The following EHMT1 variants were observed in gnomAD, a reference collection of about 807,000 sequenced individuals.
The protein encoded by EHMT1 is histone-lysine N-methyltransferase EHMT1.
Under a neutral mutation model 147.2 loss-of-function variants are expected in EHMT1, and 15 were observed. That is an observed-to-expected ratio of 0.10 (90% CI 0.07 to 0.16). The LOEUF (loss-of-function observed/expected upper bound fraction) is 0.16, where lower values mean the gene tolerates loss of function less well. Among genes scored for constraint, EHMT1 ranks in the 10% least tolerant of loss-of-function variants. EHMT1 has a pLI of 1.00. For synonymous variants in EHMT1, 795 were observed against 709.6 expected (o/e 1.12, Z -1.91); for missense variants, 1,587 against 1,772.4 (o/e 0.90, Z 1.88).
At chr9:137,758,664 C>T (rs1345355085) in intron 9 of EHMT1, among the ~76,000 whole-genome samples, 1 of 152,186 alleles carries the variant, frequency 6.6e-6, no homozygotes, top group Non-Finnish European at 1.5e-5. Context: ...ATCTTATTTA[C>T]ATTCCCCACA....
chr9:137,778,885 TAC>T (rs1951165352), intron 13 of EHMT1, among the ~76,000 whole-genome samples: 1 of 152,184 alleles, frequency 6.6e-6, no homozygotes, highest in African/African-American at 2.4e-5. Flanking sequence ...CTCAGGAAGC[TAC>T]AGTCATGGTG....
At chr9:137,747,504 A>C (rs1325623707) in intron 6 of EHMT1, 1 of 152,226 alleles carries the variant, frequency 6.6e-6, no homozygotes, top group Admixed American at 6.5e-5. Context: ...TAAAATAATG[A>C]TTGTAAGGAA....
chr9:137,693,968 C>T (rs1389049433), intron 1 of EHMT1, among the ~76,000 whole-genome samples: 2 of 70,740 alleles, frequency 2.8e-5, no homozygotes, highest in Non-Finnish European at 5.4e-5. Context: ...TGGCGCAGGA[C>T]GCTGGCCGAT....
rs564617840 is a variant in EHMT1 at position 137,757,837 on chromosome 9, G to T, written c.1370-43G>T. ...CCTGTGCGTCTGGGTGGGTGCGGCC[G>T]CCTGGGTGCGTGGTGTCTGATGTGT... On this transcript the variant is annotated intron_variant, in intron 8 of 26. Transcript: ENST00000460843. 9 of 1,611,560 alleles carry T rather than the reference G, an allele frequency of 5.6e-6. No individual in the cohort carries two copies. The South Asian group carries it at 9.9e-5, about 18-fold the overall frequency.
intron 9 of EHMT1, among the ~76,000 whole-genome samples, chr9:137,762,375 A>G (rs1588578803): frequency 6.6e-6 from 1 of 152,082 alleles, no homozygotes; most frequent in Non-Finnish European, 1.5e-5. Flanking sequence ...TGCCAGAGGT[A>G]CCAGCCTCTG....
At chr9:137,779,395 C>T (rs1203054428) in intron 13 of EHMT1, among the ~76,000 whole-genome samples, 12 of 152,258 alleles carry the variant, frequency 7.9e-5, no homozygotes, top group African/African-American at 2.7e-4. Flanking sequence ...TGACTGGGAA[C>T]GCAGTTTCTT....
At chr9:137,691,141 C>A (rs1419218735) in intron 1 of EHMT1, among the ~76,000 whole-genome samples, 1 of 151,984 alleles carries the variant, frequency 6.6e-6, no homozygotes. Context: ...CTTTCTATTT[C>A]CTGTCTCTAA....
chr9:137,716,795 C>G lies in EHMT1; in HGVS notation c.255C>G (p.Thr85=), dbSNP rs1588326707. 1 of 1,613,264 alleles carries G rather than the reference C, an allele frequency of 6.2e-7. No individual in the cohort carries two copies. The highest frequency in any genetic ancestry group is 1.3e-5 in the African/African-American group (1 of 74,986). ...DSARVNPQDG[T]NTLTRIAENG... ...CAAGGGTCAACCCCCAGGATGGCAC[C>G]AACACACTAACTCGGATAGCGGAAA... Residue 85 remains threonine, a synonymous_variant, in exon 3 of 27, where the codon ACC becomes ACG. Coordinates refer to ENST00000460843, the MANE Select transcript of EHMT1 (RefSeq NM_024757.5).
intron 1 of EHMT1, among the ~76,000 whole-genome samples, chr9:137,632,111 G>T (rs371210412): frequency 6.6e-6 from 1 of 152,332 alleles, no homozygotes; most frequent in African/African-American, 2.4e-5. Context: ...ACTCTTTGAC[G>T]TTTGCACAGT....
At chr9:137,702,203 T>C (rs958825352) in intron 1 of EHMT1, among the ~76,000 whole-genome samples, 1 of 152,178 alleles carries the variant, frequency 6.6e-6, no homozygotes, top group Non-Finnish European at 1.5e-5. Context: ...GCTGGGTCCT[T>C]CTCACATTTC....
intron 3 of EHMT1, among the ~76,000 whole-genome samples, chr9:137,721,447 G>A (rs948993391): frequency 6.9e-5 from 1 of 14,518 alleles, no homozygotes; most frequent in Non-Finnish European, 1.1e-4. Flanking sequence ...CCTCTCCCAC[G>A]CCTCTCACCC....
chr9:137,764,016 C>G (rs1950043526), intron 10 of EHMT1: 1 of 152,622 alleles, frequency 6.6e-6, no homozygotes, highest in African/African-American at 2.4e-5. Flanking sequence ...GCAGGTCTGG[C>G]CTGGCTGGGA....
At chr9:137,723,379 C>T (rs1339795405) in intron 3 of EHMT1, among the ~76,000 whole-genome samples, 13 of 108,066 alleles carry the variant, frequency 1.2e-4, no homozygotes, top group South Asian at 3.7e-4. Flanking sequence ...TGTCTGTGTC[C>T]GTGGTTCTGG....
chr9:137,798,954 C>T, intron 17 of EHMT1, 40 bp downstream of exon 17: 1 of 1,516,504 alleles, frequency 6.6e-7, no homozygotes. Flanking sequence ...ACTGTGTGGA[C>T]TGGCTACGGA....
At chr9:137,643,210 G>A (rs1034489036) in intron 1 of EHMT1, among the ~76,000 whole-genome samples, 3 of 151,748 alleles carry the variant, frequency 2.0e-5, no homozygotes, top group African/African-American at 2.4e-5. Context: ...ATGTGGGCTT[G>A]AGTTACTGTC....
chr9:137,796,957 C>G (rs1224526035), intron 16 of EHMT1, among the ~76,000 whole-genome samples: 1 of 152,076 alleles, frequency 6.6e-6, no homozygotes, highest in African/African-American at 2.4e-5. Flanking sequence ...CAAGCAGGGC[C>G]TCACACCAGT....
At chr9:137,754,689 G>GT (rs1479609379) in intron 8 of EHMT1, among the ~76,000 whole-genome samples, 3 of 152,080 alleles carry the variant, frequency 2.0e-5, no homozygotes, top group Non-Finnish European at 2.9e-5. Context: ...ATTTTTTTGT[G>GT]TTTTTTTGGT....
At chr9:137,802,947 C>A in intron 18 of EHMT1, 1 of 1,232,628 alleles carries the variant, frequency 8.1e-7, no homozygotes, top group Non-Finnish European at 1.0e-6. Flanking sequence ...AAGGCTGTGG[C>A]GGGTACCTTG....
chr9:137,689,367 T>A (rs1942739319), intron 1 of EHMT1, among the ~76,000 whole-genome samples: 1 of 152,192 alleles, frequency 6.6e-6, no homozygotes, highest in African/African-American at 2.4e-5. Context: ...TTTAACATTA[T>A]GAAATTGCAT....
Sources: gnomAD v4.1 joint callset for allele counts (sites outside exome capture counted in the v4.1 genomes callset) on GRCh38, gnomAD v4.1.1 for gene constraint, MANE v1.5 for transcripts, NCBI Gene and HGNC (gene_info 2026-07-23, HGNC 2026-07-21) for gene names.